Variants in TBC1D9 observed in about 807,000 individuals in gnomAD.
The protein encoded by TBC1D9 is TBC1 domain family member 9.
TBC1D9 carries 63 observed loss-of-function variants against 132.0 expected under a neutral mutation model. The ratio of observed to expected loss-of-function variants is 0.48; its 90% CI spans 0.39 to 0.59. The LOEUF (loss-of-function observed/expected upper bound fraction) is 0.59, where lower values mean the gene tolerates loss of function less well. Among genes scored for constraint, TBC1D9 ranks in the 20% least tolerant of loss-of-function variants. The probability of loss-of-function intolerance (pLI) is 0.00; values close to 1 mark genes in which losing one functional copy is unlikely to be tolerated. For missense variants in TBC1D9, 1,261 were observed against 1,592.7 expected, an observed-to-expected ratio of 0.79 and a Z score of 3.54; for synonymous variants, 610 against 609.9, an observed-to-expected ratio of 1.00 and a Z score of 0.00.
intron 1 of TBC1D9, among the ~76,000 whole-genome samples, chr4:140,723,751 A>T (rs1738457159): frequency 6.6e-6 from 1 of 152,146 alleles, no homozygotes; most frequent in Non-Finnish European, 1.5e-5. Context: ...TTTTTAATTC[A>T]TATTTATTTA....
chr4:140,715,898 A>C (rs1738327504), intron 1 of TBC1D9: 1 of 152,224 alleles, frequency 6.6e-6, no homozygotes, highest in Admixed American at 6.5e-5. Context: ...TAAAGCCTTA[A>C]AGAGAAAATT....
In TBC1D9 at chr4:140,622,152, C is replaced by T. The variant is rs774662246; in HGVS notation, c.*43G>A. On this transcript the variant is annotated 3_prime_UTR_variant, in exon 21 of 21. Coordinates refer to ENST00000442267, the MANE Select transcript of TBC1D9 (RefSeq NM_015130.3). ...TCAACACAGAAGAACATAAAAAATC[C>T]CTCCCCTCCCTCTCCTCCCACTCCC... 2 of 1,502,140 alleles carry T rather than the reference C, an allele frequency of 1.3e-6. No individual in the cohort carries two copies. Among genetic ancestry groups the T allele is most frequent in the Non-Finnish European group, 1.8e-6 (2 of 1,124,052 alleles). 93.1% of individuals were successfully genotyped at this position (1,502,140 alleles called of 1,614,324 possible).
At chr4:140,638,416 G>A (rs890140291) in intron 15 of TBC1D9, among the ~76,000 whole-genome samples, 14 of 151,068 alleles carry the variant, frequency 9.3e-5, no homozygotes, top group Non-Finnish European at 1.3e-4. Context: ...GCTCACACCT[G>A]TAATCCCAGC....
chr4:140,712,811 A>G (rs1293055958), intron 1 of TBC1D9, among the ~76,000 whole-genome samples: 1 of 151,556 alleles, frequency 6.6e-6, no homozygotes, highest in East Asian at 1.9e-4. Context: ...TCTGTTGCCC[A>G]TGCTGGAATG....
chr4:140,725,452 G>A (rs1323479721), intron 1 of TBC1D9, among the ~76,000 whole-genome samples: 3 of 152,130 alleles, frequency 2.0e-5, no homozygotes, highest in Admixed American at 1.3e-4. Context: ...CAGGTCCAGC[G>A]GAACAAGAGC....
At chr4:140,716,389 G>A (rs1205226824) in intron 1 of TBC1D9, among the ~76,000 whole-genome samples, 2 of 147,248 alleles carry the variant, frequency 1.4e-5, no homozygotes, top group African/African-American at 4.9e-5. Context: ...TACTTGGGAG[G>A]CTGAGGTGAG....
chr4:140,623,804 G>A (rs1049008928), intron 20 of TBC1D9, among the ~76,000 whole-genome samples: 4 of 152,284 alleles, frequency 2.6e-5, no homozygotes, highest in South Asian at 2.1e-4. Flanking sequence ...AGCTAAGCAC[G>A]GTGATCTGAA....
At chr4:140,641,449 T>C (rs1323150780) in intron 13 of TBC1D9, among the ~76,000 whole-genome samples, 1 of 152,250 alleles carries the variant, frequency 6.6e-6, no homozygotes, top group African/African-American at 2.4e-5. Flanking sequence ...GAACTCAGTA[T>C]GTTTAATAAA....
rs918738362 is a variant in TBC1D9, at chr4:140,749,750, T to C, written c.130+6166A>G. ...AAAAGACATATCTAAAACATAAGGA[T>C]ACAGAAGAGTTGAAAGTGAAAGTAT... is the stretch of plus-strand genomic sequence containing the variant. On this transcript the variant is annotated intron_variant, in intron 1 of 20. Coordinates refer to ENST00000442267, the MANE Select transcript of TBC1D9 (RefSeq NM_015130.3). Among the ~76,000 whole-genome samples, 5 of 152,214 alleles carry C rather than the reference T, an allele frequency of 3.3e-5. No individual in the cohort carries two copies. In the South Asian group the frequency reaches 1.0e-3, roughly 32 times the overall value.
At chr4:140,712,748 AATAG>A (rs58318321) in intron 1 of TBC1D9, among the ~76,000 whole-genome samples, 7,081 of 146,276 alleles carry the variant, frequency 0.048, 509 homozygotes, top group African/African-American at 0.16. Flanking sequence ...ATCTCAAAAA[AATAG>A]ATAGATAGAT....
chr4:140,640,449 G>C (rs926960936), intron 13 of TBC1D9, among the ~76,000 whole-genome samples: 6 of 18,194 alleles, frequency 3.3e-4, no homozygotes, highest in Admixed American at 5.7e-4. Flanking sequence ...TGGTGGGGTG[G>C]GGGGGGGAGT....
chr4:140,659,631 C>G lies in TBC1D9; in HGVS notation c.1878G>C (p.Leu626Phe). 6.2e-7 allele frequency: 1 copy of G among 1,606,544 alleles called. No homozygotes were observed. Among genetic ancestry groups the G allele is most frequent in the Non-Finnish European group, 8.5e-7 (1 of 1,176,572 alleles). The stretch of plus-strand genomic sequence containing the variant: ...AGTAATCTGGGAGCATGCGCTCACA[C>G]AAAGCCACAAGCAGCCAGAAAGCTT... The part of the protein sequence containing the change: ...EEEAFWLLVA[L>F]CERMLPDYYN... Residue 626 changes from leucine to phenylalanine, a missense_variant, in exon 11 of 21, where the codon TTG becomes TTC. Leu to Phe is a conservative substitution (Grantham distance 22). Coordinates refer to ENST00000442267, the MANE Select transcript of TBC1D9 (RefSeq NM_015130.3).
intron 1 of TBC1D9, among the ~76,000 whole-genome samples, chr4:140,748,104 G>A (rs1216848852): frequency 6.6e-6 from 1 of 152,126 alleles, no homozygotes; most frequent in Non-Finnish European, 1.5e-5. Context: ...GCTTAAAAGA[G>A]CTCGAGATAT....
chr4:140,731,489 C>T (rs1738588465), intron 1 of TBC1D9, among the ~76,000 whole-genome samples: 1 of 151,968 alleles, frequency 6.6e-6, no homozygotes, highest in Non-Finnish European at 1.5e-5. Context: ...GCCAGGAGTT[C>T]GAGACCAGCG....
At chr4:140,667,247 G>A (rs1443564859) in intron 9 of TBC1D9, among the ~76,000 whole-genome samples, 6 of 152,166 alleles carry the variant, frequency 3.9e-5, no homozygotes, top group Non-Finnish European at 7.3e-5. Context: ...AGACCACCCT[G>A]CGGTCTCACA....
At chr4:140,689,376 G>C (rs565967915) in intron 2 of TBC1D9, among the ~76,000 whole-genome samples, 3 of 151,578 alleles carry the variant, frequency 2.0e-5, no homozygotes, top group African/African-American at 7.3e-5. Flanking sequence ...TGCTTTCAAA[G>C]CTTCCCTTCC....
chr4:140,752,511 C>CT (rs1738942022), intron 1 of TBC1D9, among the ~76,000 whole-genome samples: 1 of 151,900 alleles, frequency 6.6e-6, no homozygotes, highest in African/African-American at 2.4e-5. Context: ...CACAAGGGGG[C>CT]TTTTGGCACA....
intron 1 of TBC1D9, among the ~76,000 whole-genome samples, chr4:140,740,552 T>C (rs756798562): frequency 1.3e-5 from 2 of 152,214 alleles, no homozygotes; most frequent in South Asian, 2.1e-4. Flanking sequence ...AAAATGCAGG[T>C]TCACTAGGCA....
At chr4:140,651,362 C>G (rs1405893758) in intron 13 of TBC1D9, among the ~76,000 whole-genome samples, 1 of 152,132 alleles carries the variant, frequency 6.6e-6, no homozygotes, top group African/African-American at 2.4e-5. Context: ...ACTCAGGAGG[C>G]TGAGCTGGAA....
Sources: allele counts gnomAD v4.1 joint callset (sites outside exome capture counted in the v4.1 genomes callset), GRCh38; gene constraint gnomAD v4.1.1; transcripts MANE v1.5; gene names NCBI Gene and HGNC (gene_info 2026-07-23, HGNC 2026-07-21).